The following PEG3 variants were observed in gnomAD, a reference collection of about 807,000 sequenced individuals.
PEG3 encodes the protein paternally expressed 3.
In PEG3, 23 loss-of-function variants were observed where a neutral mutation model predicts 35.5. The ratio of observed to expected loss-of-function variants is 0.65; its 90% CI spans 0.47 to 0.92. The LOEUF (loss-of-function observed/expected upper bound fraction) is 0.92. PEG3 is among the 40% of genes least tolerant of loss of function. The pLI, the probability that PEG3 is intolerant of heterozygous loss-of-function variation, is 0.00. For missense variants in PEG3, 1,960 were observed against 1,985.3 expected (o/e 0.99, Z 0.24); for synonymous variants, 707 against 697.0 (o/e 1.01, Z -0.23).
chr19:56,832,566 A>G (rs145936723), intron 2 of PEG3, among the ~76,000 whole-genome samples: 2,608 of 152,280 alleles, frequency 0.017, 35 homozygotes, highest in Non-Finnish European at 0.026. Context: ...CTCTCTCTTC[A>G]GAGCAGGACT....
Position 56,815,492 on chromosome 19 carries a change from G to A in PEG3, c.2950C>T (p.Leu984Phe). The change falls in exon 10 of 10, where the codon CTC becomes TTC. Residue 984 changes from leucine (L) to phenylalanine (F), a missense_variant. Leu to Phe is a conservative substitution (Grantham distance 22). Coordinates refer to ENST00000326441, the MANE Select transcript of PEG3 (RefSeq NM_006210.3). ...TCATGAATCTTCTGGTGCTCAGTGAGGTCAGAGCTATGAGCAAAGCACTCC... is the reference window on the plus strand; with the variant it reads ...TCATGAATCTTCTGGTGCTCAGTGAAGTCAGAGCTATGAGCAAAGCACTCC... ...CGECFAHSSDLTEHQKIHDRE... is the reference protein window; with the variant it reads ...CGECFAHSSDFTEHQKIHDRE... 8.7e-6 allele frequency: 14 copies of A among 1,614,004 alleles called. No individual in the cohort carries two copies. Among genetic ancestry groups the A allele is most frequent in the Non-Finnish European group, 1.2e-5 (14 of 1,179,930 alleles).
Position 56,813,870 on chromosome 19 carries a change from C to G in PEG3, c.4572G>C (p.Leu1524=), listed in dbSNP as rs561217964. 1.9e-6 allele frequency: 3 copies of G among 1,614,218 alleles called. No homozygotes were observed. The African/African-American group carries it at 4.0e-5, about 22-fold the overall frequency. ...ATATGATCATGCTGGCATGAGTTTT[C>G]AGGTGTTCACTGAATGCTGTGCTGG... is the stretch of plus-strand genomic sequence containing the variant. ...FTSSTAFSEH[L]KTHASMIIFE... The change falls in exon 10 of 10, where the codon CTG becomes CTC. Residue 1524 remains leucine, a synonymous_variant. Transcript: ENST00000326441.
chr19:56,810,738 G>C lies in PEG3; in HGVS notation c.*2937C>G, dbSNP rs1025049986. The C allele has an allele frequency of 1.0e-6, 1 of 983,752 alleles. No homozygotes were observed. Among genetic ancestry groups the C allele is most frequent in the Admixed American group, 6.2e-5 (1 of 16,248 alleles). The allele number at this position is 983,752 out of a possible 1,614,324, so 60.9% of individuals were successfully genotyped here. ...ACTTTATGCACACATATTTAACACT[G>C]TTATCACAAGCGTGTGCACTGAAAC... On this transcript the variant is annotated 3_prime_UTR_variant, in exon 10 of 10. Coordinates refer to ENST00000326441, the MANE Select transcript of PEG3 (RefSeq NM_006210.3).
chr19:56,812,954 T>C lies in PEG3; in HGVS notation c.*721A>G. ...TATATTGTAAAGCCTTACACAGTATTAGGTTCCAAAGTGTTGGCGCAGATG... is the reference window on the plus strand; with the variant it reads ...TATATTGTAAAGCCTTACACAGTATCAGGTTCCAAAGTGTTGGCGCAGATG... On this transcript the variant is annotated 3_prime_UTR_variant, in exon 10 of 10. Coordinates refer to ENST00000326441, the MANE Select transcript of PEG3 (RefSeq NM_006210.3). 5.1e-6 allele frequency: 5 copies of C among 985,786 alleles called. No homozygotes were observed. Among genetic ancestry groups the C allele is most frequent in the Non-Finnish European group, 6.0e-6 (5 of 829,900 alleles). 61.1% of individuals were successfully genotyped at this position (985,786 alleles called of 1,614,324 possible). A position where few individuals can be genotyped will look rare whatever the true frequency, so the allele number is the denominator to read the frequency against.
At position 56,813,858 on chromosome 19, in the gene PEG3, G is replaced by T; in HGVS notation, c.4584C>A (p.Ala1528=). Residue 1528 remains alanine (A), a synonymous_variant, in exon 10 of 10, where the codon GCC becomes GCA. Transcript: ENST00000326441. ...TAFSEHLKTH[A]SMIIFEPANA... is the part of the protein sequence containing the mutation. Reference sequence around the variant, plus strand: ...TTGCAGGCTCAAATATGATCATGCTGGCATGAGTTTTCAGGTGTTCACTGA... The same window carrying T: ...TTGCAGGCTCAAATATGATCATGCTTGCATGAGTTTTCAGGTGTTCACTGA... The T allele has an allele frequency of 6.2e-7, 1 of 1,614,144 alleles. No individual in the cohort carries two copies. Among genetic ancestry groups the T allele is most frequent in the Non-Finnish European group, 8.5e-7 (1 of 1,180,028 alleles).
chr19:56,840,303 C>T (rs980245355), intron 1 of PEG3, among the ~76,000 whole-genome samples: 2 of 152,214 alleles, frequency 1.3e-5, no homozygotes, highest in African/African-American at 2.4e-5. Flanking sequence ...CCTCAGACCC[C>T]GGACTGCAAG....
chr19:56,836,475 C>T (rs1601285352), intron 1 of PEG3, among the ~76,000 whole-genome samples: 1 of 152,092 alleles, frequency 6.6e-6, no homozygotes, highest in Non-Finnish European at 1.5e-5. Context: ...GTAATAGTAC[C>T]CTTTATCACG....
In PEG3 at chr19:56,812,627, T is replaced by A. The variant is rs940283335; in HGVS notation, c.*1048A>T. ...TAAGGCAGGAAGCGCACAAAGGAAG[T>A]GATGAAAGGTTATTAGCCTGCAACA... On this transcript the variant is annotated 3_prime_UTR_variant, in exon 10 of 10. Transcript: ENST00000326441. 58 of 985,512 alleles carry A rather than the reference T, an allele frequency of 5.9e-5. No homozygotes were observed. Among genetic ancestry groups the A allele is most frequent in the Non-Finnish European group, 6.9e-5 (57 of 829,894 alleles). The allele number at this position is 985,512 out of a possible 1,614,324, so 61.0% of individuals were successfully genotyped here.
In PEG3 at chr19:56,814,290, A is replaced by G; in HGVS notation, c.4152T>C (p.Val1384=). ...CTACGTTTAAGCCCTGAATCCTCAGAACTACTTGTGGAACATGGACATTGG... is the reference window on the plus strand; with the variant it reads ...CTACGTTTAAGCCCTGAATCCTCAGGACTACTTGTGGAACATGGACATTGG... ...VEANVHVPQV[V]LRIQGLNVEA... is the part of the protein sequence containing the mutation. Residue 1384 remains valine (V), a synonymous_variant, in exon 10 of 10, where the codon GTT becomes GTC. Transcript: ENST00000326441. The surrounding 1 kb of genome is among the most constrained non-coding windows in gnomAD (Gnocchi z 5.8). 1 of 1,613,718 alleles carries G rather than the reference A, an allele frequency of 6.2e-7. No homozygotes were observed. The highest frequency in any genetic ancestry group is 8.5e-7 in the Non-Finnish European group (1 of 1,179,984).
At chr19:56,823,507 T>A in intron 5 of PEG3, 86 bp downstream of exon 5, 1 of 1,539,812 alleles carries the variant, frequency 6.5e-7, no homozygotes, top group Non-Finnish European at 9.0e-7. Context: ...GTCATCTTCA[T>A]GGAGGCCCCA....
rs1037955611 is a variant in PEG3, at chr19:56,811,008, T to C, written c.*2667A>G. The C allele has an allele frequency of 3.2e-5, 31 of 976,024 alleles. No homozygotes were observed. Among genetic ancestry groups the C allele is most frequent in the Non-Finnish European group, 3.5e-5 (29 of 821,508 alleles). 60.5% of individuals were successfully genotyped at this position (976,024 alleles called of 1,614,324 possible). A position where few individuals can be genotyped will look rare whatever the true frequency, so the allele number is the denominator to read the frequency against. ...ATGTAACAGCTATTTTGAATATACATTTTGACACAGTTATAATCATAAACC... is the reference window on the plus strand; with the variant it reads ...ATGTAACAGCTATTTTGAATATACACTTTGACACAGTTATAATCATAAACC... On this transcript the variant is annotated 3_prime_UTR_variant, in exon 10 of 10. Coordinates refer to ENST00000326441, the MANE Select transcript of PEG3 (RefSeq NM_006210.3).
chr19:56,816,462 T>C lies in PEG3; in HGVS notation c.1980A>G (p.Lys660=), dbSNP rs760855149. The change falls in exon 10 of 10, where the codon AAA becomes AAG. Residue 660 remains lysine, a synonymous_variant. Coordinates refer to ENST00000326441, the MANE Select transcript of PEG3 (RefSeq NM_006210.3). The part of the protein sequence containing the change: ...TRGNPFENKG[K]VCEETFIPGQ... ...CAGGAATAAAGGTTTCCTCACACACTTTACCCTTGTTTTCAAATGGGTTCC... is the reference window on the plus strand; with the variant it reads ...CAGGAATAAAGGTTTCCTCACACACCTTACCCTTGTTTTCAAATGGGTTCC... The C allele has an allele frequency of 1.2e-6, 2 of 1,613,674 alleles. No homozygotes were observed. The highest frequency in any genetic ancestry group is 1.7e-6 in the Non-Finnish European group (2 of 1,179,796).
chr19:56,821,887 C>T, intron 6 of PEG3, 133 bp from the exon 7 acceptor site: 1 of 926,882 alleles, frequency 1.1e-6, no homozygotes, highest in Non-Finnish European at 1.7e-6. Flanking sequence ...TCTCTGCATT[C>T]TGTGGCAGCC....
In PEG3 at chr19:56,815,747, C is replaced by T; in HGVS notation, c.2695G>A (p.Val899Ile). The T allele has an allele frequency of 1.2e-6, 2 of 1,614,154 alleles. No homozygotes were observed. Among genetic ancestry groups the T allele is most frequent in the Non-Finnish European group, 8.5e-7 (1 of 1,179,982 alleles). Residue 899 changes from valine (V) to isoleucine (I), a missense_variant, in exon 10 of 10, where the codon GTA becomes ATA. Val to Ile is a conservative substitution (Grantham distance 29). Coordinates refer to ENST00000326441, the MANE Select transcript of PEG3 (RefSeq NM_006210.3). ...RNYEDSVIQS[V>I]FRAKPQKSVP... ...CTTTTCTGAGGTTTGGCACGGAATA[C>T]ACTCTGTATGACAGAGTCTTCATAG...
In PEG3 at chr19:56,814,990, C is replaced by A; in HGVS notation, c.3452G>T (p.Ser1151Ile). 2.5e-6 allele frequency: 4 copies of A among 1,614,174 alleles called. No individual in the cohort carries two copies. Among genetic ancestry groups the A allele is most frequent in the Non-Finnish European group, 3.4e-6 (4 of 1,180,032 alleles). Residue 1151 changes from serine (S) to isoleucine (I), a missense_variant, in exon 10 of 10, where the codon AGC becomes ATC. By Grantham distance (142) the Ser-to-Ile change is moderately radical (BLOSUM62 -2). Coordinates refer to ENST00000326441, the MANE Select transcript of PEG3 (RefSeq NM_006210.3). The surrounding 1 kb of genome is among the most constrained non-coding windows in gnomAD (Gnocchi z 5.8). Reference protein sequence around the residue: ...THSVIHTHSISEYQRDYTGEQ... With the variant: ...THSVIHTHSIIEYQRDYTGEQ... ...TCCAGTGTAATCTCTCTGATACTCG[C>A]TGATGGAATGGGTGTGAATTACAGA...
intron 6 of PEG3, 69 bp from the exon 7 acceptor site, chr19:56,821,823 C>T: frequency 6.4e-7 from 1 of 1,564,302 alleles, no homozygotes; most frequent in Non-Finnish European, 8.8e-7. Flanking sequence ...GTTTGTCCCA[C>T]TCAACTATGA....
chr19:56,815,482 T>C lies in PEG3; in HGVS notation c.2960A>G (p.His987Arg), dbSNP rs149044578. 550 of 1,614,096 alleles carry C rather than the reference T, an allele frequency of 3.4e-4. 3 individuals carry two copies. The highest frequency in any genetic ancestry group is 2.0e-3 in the Middle Eastern group (12 of 6,060). Residue 987 changes from histidine (H) to arginine (R), a missense_variant, in exon 10 of 10, where the codon CAC becomes CGC. Coordinates refer to ENST00000326441, the MANE Select transcript of PEG3 (RefSeq NM_006210.3). ...CTTCTCCCTATCATGAATCTTCTGG[T>C]GCTCAGTGAGGTCAGAGCTATGAGC... is the stretch of plus-strand genomic sequence containing the variant. The part of the protein sequence containing the change: ...CFAHSSDLTE[H>R]QKIHDREKPS...
At chr19:56,834,918 T>A (rs1202792566) in intron 2 of PEG3, among the ~76,000 whole-genome samples, 1 of 152,192 alleles carries the variant, frequency 6.6e-6, no homozygotes, top group South Asian at 2.1e-4. Flanking sequence ...CTGTCCTGGA[T>A]CAGGCCCAGT....
intron 5 of PEG3, 41 bp downstream of exon 5, chr19:56,823,552 C>T (rs773335426): frequency 2.0e-5 from 33 of 1,612,416 alleles, no homozygotes; most frequent in Middle Eastern, 1.7e-4. Context: ...CATCTGGCAG[C>T]GCCTGCCCAT....
Sources: allele counts gnomAD v4.1 joint callset (sites outside exome capture counted in the v4.1 genomes callset), GRCh38; gene constraint gnomAD v4.1.1; non-coding constraint Gnocchi (gnomAD v3.1); transcripts MANE v1.5; gene names NCBI Gene and HGNC (gene_info 2026-07-23, HGNC 2026-07-21).